Variants in FNBP1L observed in about 807,000 individuals in gnomAD.
The protein encoded by FNBP1L is formin binding protein 1 like.
FNBP1L carries 36 observed loss-of-function variants against 91.2 expected under a neutral mutation model. That is an observed-to-expected ratio of 0.39 (90% CI 0.30 to 0.52). The LOEUF (loss-of-function observed/expected upper bound fraction) is 0.52, where lower values mean the gene tolerates loss of function less well. Among genes scored for constraint, FNBP1L ranks in the 20% least tolerant of loss-of-function variants. The pLI, the probability that FNBP1L is intolerant of heterozygous loss-of-function variation, is 0.66. For synonymous variants in FNBP1L, 242 were observed against 237.0 expected, an observed-to-expected ratio of 1.02 and a Z score of -0.19; for missense variants, 571 against 732.1, an observed-to-expected ratio of 0.78 and a Z score of 2.54.
At chr1:93,550,130 C>T (rs1487191121) in intron 15 of FNBP1L, among the ~76,000 whole-genome samples, 2 of 152,112 alleles carry the variant, frequency 1.3e-5, no homozygotes, top group African/African-American at 2.4e-5. Context: ...CTCCCCACTT[C>T]GTGTTGGTTT....
At chr1:93,466,613 T>C (rs531958876) in intron 1 of FNBP1L, among the ~76,000 whole-genome samples, 3 of 152,222 alleles carry the variant, frequency 2.0e-5, no homozygotes, top group Non-Finnish European at 4.4e-5. Context: ...AGCCTTGTAG[T>C]ATAATTTGAG....
intron 2 of FNBP1L, among the ~76,000 whole-genome samples, chr1:93,510,364 G>T (rs1426185253): frequency 3.3e-5 from 5 of 152,290 alleles, no homozygotes; most frequent in South Asian, 2.1e-4. Flanking sequence ...ACCTCACACG[G>T]CTGGGTACTC....
At chr1:93,515,080 C>A (rs1288328823) in intron 2 of FNBP1L, among the ~76,000 whole-genome samples, 5 of 152,270 alleles carry the variant, frequency 3.3e-5, no homozygotes, top group African/African-American at 1.2e-4. Flanking sequence ...AAGAAAAAAA[C>A]AACCCCATCA....
chr1:93,483,016 T>TA (rs761508055), intron 1 of FNBP1L, among the ~76,000 whole-genome samples: 8,404 of 115,112 alleles, frequency 0.073, 447 homozygotes, highest in African/African-American at 0.14. Flanking sequence ...AGACTCCGTC[T>TA]AAAAAAAACA....
chr1:93,516,347 C>T (rs1232772759), intron 2 of FNBP1L, among the ~76,000 whole-genome samples: 1 of 152,294 alleles, frequency 6.6e-6, no homozygotes, highest in East Asian at 1.9e-4. Flanking sequence ...GAGCTATACC[C>T]CCTTTACCTG....
At chr1:93,466,115 G>A (rs1264475075) in intron 1 of FNBP1L, among the ~76,000 whole-genome samples, 1 of 151,708 alleles carries the variant, frequency 6.6e-6, no homozygotes, top group African/African-American at 2.4e-5. Context: ...TTAGTCAGAT[G>A]AGTAGATTGC....
Position 93,448,158 on chromosome 1 carries a change from G to T in FNBP1L, c.-124G>T. The T allele has an allele frequency of 7.9e-7, 1 of 1,259,630 alleles. No homozygotes were observed. The highest frequency in any genetic ancestry group is 3.1e-5 in the East Asian group (1 of 32,398). 78.0% of individuals were successfully genotyped at this position (1,259,630 alleles called of 1,614,324 possible). ...ACTCACTGGGGAGCCCGGCGGTGGC[G>T]GCACCTTTCGAGGTAGACCCGCTGA... On this transcript the variant is annotated 5_prime_UTR_variant, in exon 1 of 17. Transcript: ENST00000271234.
intron 2 of FNBP1L, among the ~76,000 whole-genome samples, chr1:93,504,349 G>A (rs1326001215): frequency 6.6e-6 from 1 of 151,990 alleles, no homozygotes; most frequent in African/African-American, 2.4e-5. Flanking sequence ...TTTCGGGTAG[G>A]CTTAGATACA....
chr1:93,548,208 C>T (rs1672302402), intron 14 of FNBP1L, among the ~76,000 whole-genome samples: 1 of 152,126 alleles, frequency 6.6e-6, no homozygotes, highest in South Asian at 2.1e-4. Context: ...CCACAAATTA[C>T]TGGTTTTTGT....
intron 2 of FNBP1L, among the ~76,000 whole-genome samples, chr1:93,519,769 G>T (rs1671259217): frequency 6.6e-6 from 1 of 152,168 alleles, no homozygotes. Context: ...GGGCAACATA[G>T]TGAAACCCTG....
At chr1:93,486,299 A>G (rs1227268329) in intron 1 of FNBP1L, among the ~76,000 whole-genome samples, 1 of 152,176 alleles carries the variant, frequency 6.6e-6, no homozygotes, top group Non-Finnish European at 1.5e-5. Context: ...TTATTTTGGA[A>G]TTAAAAAAAA....
chr1:93,451,642 A>G (rs1208821340), intron 1 of FNBP1L, among the ~76,000 whole-genome samples: 1 of 152,056 alleles, frequency 6.6e-6, no homozygotes, highest in East Asian at 1.9e-4. Flanking sequence ...TGTTATTTTC[A>G]TCATATTATT....
At position 93,505,110 on chromosome 1, in the gene FNBP1L, C is replaced by CTTTT. The variant is rs61426757; in HGVS notation, c.140+5542_140+5545dup. On this transcript the variant is annotated intron_variant, in intron 2 of 16. Transcript: ENST00000271234. ...TGTGTTAAAAGGGTCCAGCTTCATT[C>CTTTT]TTTTTTTTTTTTTTTTTTGAGACAG... 3.3e-4 allele frequency among the ~76,000 whole-genome samples: 41 copies of CTTTT among 125,190 alleles called. 1 individual carries two copies. The highest frequency in any genetic ancestry group is 9.0e-4 in the African/African-American group (30 of 33,182). 82.1% of individuals were successfully genotyped at this position (125,190 alleles called of 152,430 possible).
At chr1:93,497,349 A>T (rs865831239) in intron 1 of FNBP1L, among the ~76,000 whole-genome samples, 11 of 152,246 alleles carry the variant, frequency 7.2e-5, no homozygotes, top group African/African-American at 2.7e-4. Context: ...AAATAAATTT[A>T]TTGGCCAAAT....
intron 1 of FNBP1L, among the ~76,000 whole-genome samples, chr1:93,474,545 G>T (rs963535503): frequency 5.9e-5 from 9 of 152,198 alleles, no homozygotes; most frequent in African/African-American, 2.2e-4. Flanking sequence ...AGCCTGAGAA[G>T]GCTTCTCTGT....
intron 1 of FNBP1L, among the ~76,000 whole-genome samples, chr1:93,483,195 A>G (rs1669776323): frequency 1.3e-5 from 2 of 149,606 alleles, no homozygotes; most frequent in South Asian, 2.1e-4. Flanking sequence ...GTCTCGAAAA[A>G]AAAAAAAAAA....
At chr1:93,499,981 T>A (rs1159636219) in intron 2 of FNBP1L, among the ~76,000 whole-genome samples, 3 of 152,144 alleles carry the variant, frequency 2.0e-5, no homozygotes, top group African/African-American at 7.2e-5. Context: ...GGAAATAGAG[T>A]GTGTGCTGAG....
intron 9 of FNBP1L, among the ~76,000 whole-genome samples, chr1:93,535,739 GT>G (rs1195764389): frequency 6.6e-6 from 1 of 151,572 alleles, no homozygotes; most frequent in Non-Finnish European, 1.5e-5. Flanking sequence ...ATATTGTCCA[GT>G]CAAGAAGTTG....
chr1:93,524,005 A>G (rs1210259451), intron 4 of FNBP1L, among the ~76,000 whole-genome samples: 1 of 152,066 alleles, frequency 6.6e-6, no homozygotes, highest in African/African-American at 2.4e-5. Context: ...GACAATCATT[A>G]TTTTTCTGGA....
Sources: allele counts gnomAD v4.1 joint callset (sites outside exome capture counted in the v4.1 genomes callset), GRCh38; gene constraint gnomAD v4.1.1; transcripts MANE v1.5; gene names NCBI Gene and HGNC (gene_info 2026-07-23, HGNC 2026-07-21).